SAFB: variants seen among roughly 807,000 people sequenced by gnomAD.
SAFB encodes scaffold attachment factor B1.
Under a neutral mutation model 101.6 loss-of-function variants are expected in SAFB, and 15 were observed. That is an observed-to-expected ratio of 0.15 (90% CI 0.10 to 0.23). SAFB has a LOEUF of 0.23. SAFB is among the 10% of genes least tolerant of loss of function. The probability of loss-of-function intolerance (pLI) is 1.00; values close to 1 mark genes in which losing one functional copy is unlikely to be tolerated. For missense variants in SAFB, 930 were observed against 1,104.1 expected (o/e 0.84, Z 2.23); for synonymous variants, 449 against 407.5 (o/e 1.10, Z -1.23).
At chr19:5,645,259 C>CCA in intron 4 of SAFB, 78 bp from the exon 5 acceptor site, 2 of 678,016 alleles carry the variant, frequency 2.9e-6, no homozygotes, top group Non-Finnish European at 5.4e-6. Flanking sequence ...TAGCTGTTCA[C>CCA]TTTTCATTGT....
chr19:5,639,596 G>A (rs1043355399), intron 2 of SAFB, among the ~76,000 whole-genome samples: 1 of 151,504 alleles, frequency 6.6e-6, no homozygotes, highest in African/African-American at 2.4e-5. Flanking sequence ...AGGCGGCTGA[G>A]GCAGGAGAAT....
At chr19:5,635,054 C>A (rs1290005521) in intron 2 of SAFB, among the ~76,000 whole-genome samples, 1 of 152,074 alleles carries the variant, frequency 6.6e-6, no homozygotes, top group Non-Finnish European at 1.5e-5. Context: ...AGGAGAATCA[C>A]TTGAACCCAG....
intron 13 of SAFB, among the ~76,000 whole-genome samples, chr19:5,656,266 A>T (rs553117858): frequency 6.6e-6 from 1 of 151,868 alleles, no homozygotes; most frequent in South Asian, 2.1e-4. Context: ...TTTATTATTT[A>T]TTTTTTATTT....
chr19:5,655,502 G>T (rs1336565490), intron 13 of SAFB, among the ~76,000 whole-genome samples: 1 of 151,098 alleles, frequency 6.6e-6, no homozygotes, highest in African/African-American at 2.4e-5. Context: ...TATTTGCATG[G>T]TCTGTGCACA....
At chr19:5,642,010 TG>T in intron 4 of SAFB, 64 bp downstream of exon 4, 1 of 1,307,062 alleles carries the variant, frequency 7.7e-7, no homozygotes, top group Non-Finnish European at 1.1e-6. Context: ...TTAAAATAGG[TG>T]ATCAGTTTCA....
intron 2 of SAFB, among the ~76,000 whole-genome samples, chr19:5,639,354 A>T (rs1038783140): frequency 6.6e-6 from 1 of 152,226 alleles, no homozygotes; most frequent in Non-Finnish European, 1.5e-5. Flanking sequence ...GCATGAAGGT[A>T]TAAACCACTT....
At chr19:5,639,821 G>A (rs1304886529) in intron 2 of SAFB, among the ~76,000 whole-genome samples, 3 of 151,988 alleles carry the variant, frequency 2.0e-5, no homozygotes, top group Non-Finnish European at 2.9e-5. Flanking sequence ...GGATGGAGCC[G>A]AAGTGTTTTG....
intron 5 of SAFB, among the ~76,000 whole-genome samples, chr19:5,646,523 T>C (rs2053831522): frequency 6.6e-6 from 1 of 152,206 alleles, no homozygotes; most frequent in Non-Finnish European, 1.5e-5. Context: ...AGGAATGTAT[T>C]TGCTTCTCTT....
intron 14 of SAFB, among the ~76,000 whole-genome samples, chr19:5,661,304 C>A (rs1218822959): frequency 6.6e-6 from 1 of 151,892 alleles, no homozygotes; most frequent in African/African-American, 2.4e-5. Context: ...CAGTTCTGAT[C>A]ACACACACAC....
At chr19:5,643,085 A>G (rs1197779116) in intron 4 of SAFB, among the ~76,000 whole-genome samples, 2 of 152,192 alleles carry the variant, frequency 1.3e-5, no homozygotes, top group African/African-American at 2.4e-5. Flanking sequence ...TCATAACAGA[A>G]TAAGAACTAA....
chr19:5,626,685 G>A (rs1401025472), intron 2 of SAFB, among the ~76,000 whole-genome samples, 196 bp downstream of exon 2: 5 of 152,216 alleles, frequency 3.3e-5, no homozygotes, highest in Non-Finnish European at 5.9e-5. Flanking sequence ...GAATTCCAAT[G>A]GAGGATGGAA....
intron 1 of SAFB, among the ~76,000 whole-genome samples, chr19:5,623,651 G>A (rs2053251990): frequency 6.6e-6 from 1 of 152,166 alleles, no homozygotes; most frequent in African/African-American, 2.4e-5. Flanking sequence ...GGTGACGGGT[G>A]ACATCGTCCA....
intron 1 of SAFB, among the ~76,000 whole-genome samples, 195 bp downstream of exon 1, chr19:5,623,589 C>T (rs2053248181): frequency 2.0e-5 from 3 of 152,038 alleles, no homozygotes; most frequent in African/African-American, 2.4e-5. Context: ...CAAATCCTAA[C>T]GCCGCAATGG....
intron 1 of SAFB, 35 bp from the exon 2 acceptor site, chr19:5,626,370 T>C: frequency 7.7e-7 from 1 of 1,297,904 alleles, no homozygotes; most frequent in East Asian, 2.3e-5. Flanking sequence ...GTGAGCTGAC[T>C]TTTTGGATCA....
rs144457761 is a variant in SAFB, at chr19:5,630,773, A to G, written c.274+4284A>G. On this transcript the variant is annotated intron_variant, in intron 2 of 20. Transcript: ENST00000588852. ...TCGTCTCAAAAAAAAAAAAAACTATATGTATAACTCTGTTATATATAGAAA... is the reference window on the plus strand; with the variant it reads ...TCGTCTCAAAAAAAAAAAAAACTATGTGTATAACTCTGTTATATATAGAAA... Among the ~76,000 whole-genome samples the G allele has an allele frequency of 3.2e-3, 491 of 151,948 alleles. 1 individual carries two copies. Among genetic ancestry groups the G allele is most frequent in the African/African-American group, 0.011 (455 of 41,434 alleles).
At chr19:5,629,262 A>G (rs1042922533) in intron 2 of SAFB, among the ~76,000 whole-genome samples, 1 of 152,176 alleles carries the variant, frequency 6.6e-6, no homozygotes, top group African/African-American at 2.4e-5. Context: ...TAGAAAAACA[A>G]AAAGTTAAAT....
At position 5,623,293 on chromosome 19, in the gene SAFB, C is replaced by T; in HGVS notation, c.88C>T (p.Arg30Cys). ...CGCCTCGTCAGAGACCGGGACGCGG[C>T]GCCTCAGCGACCTGCGAGTGATCGA... Reference protein sequence around the residue: ...SSASSETGTRRLSDLRVIDLR... With the variant: ...SSASSETGTRCLSDLRVIDLR... Residue 30 changes from arginine (R) to cysteine (C), a missense_variant, in exon 1 of 21, where the codon CGC becomes TGC. This residue lies in a region of SAFB where 119 missense variants were observed against 171.4 expected (regional missense o/e 0.69). Transcript: ENST00000588852. 6.2e-7 allele frequency: 1 copy of T among 1,613,764 alleles called. No homozygotes were observed. The highest frequency in any genetic ancestry group is 1.7e-5 in the Admixed American group (1 of 60,016).
rs145580927 is a variant in SAFB, at chr19:5,657,152, G to A, written c.1756-89G>A. On this transcript the variant is annotated intron_variant, in intron 13 of 20. Coordinates refer to ENST00000588852, the MANE Select transcript of SAFB (RefSeq NM_001201338.2). ...ATTCCCAATCTCAAGTGATCCACCCGCCCTGAACTTTGAAAGTGCTTGGAT... is the reference window on the plus strand; with the variant it reads ...ATTCCCAATCTCAAGTGATCCACCCACCCTGAACTTTGAAAGTGCTTGGAT... 512 of 868,180 alleles carry A rather than the reference G, an allele frequency of 5.9e-4. 3 individuals carry two copies. Among genetic ancestry groups the A allele is most frequent in the African/African-American group, 5.1e-3 (304 of 59,626 alleles). 53.8% of individuals were successfully genotyped at this position (868,180 alleles called of 1,614,324 possible).
At chr19:5,661,370 C>G (rs1001470000) in intron 14 of SAFB, 148 bp from the exon 15 acceptor site, 1 of 1,422,672 alleles carries the variant, frequency 7.0e-7, no homozygotes, top group African/African-American at 1.4e-5. Flanking sequence ...CCCGAGAAGC[C>G]TTCTTCCCGC....
Sources: gnomAD v4.1 joint callset for allele counts (sites outside exome capture counted in the v4.1 genomes callset) on GRCh38, gnomAD v4.1.1 for gene constraint, gnomAD v4.1.1 regional missense constraint, MANE v1.5 for transcripts, NCBI Gene and HGNC (gene_info 2026-07-23, HGNC 2026-07-21) for gene names.